The following RAF1 variants were observed in gnomAD, a reference collection of about 807,000 sequenced individuals.
RAF1 encodes RAF proto-oncogene serine/threonine-protein kinase.
A neutral mutation model predicts 81.1 loss-of-function variants in RAF1; 27 were observed. The ratio of observed to expected loss-of-function variants is 0.33; its 90% confidence interval spans 0.25 to 0.46. RAF1 has a LOEUF of 0.46. RAF1 is among the 20% of genes least tolerant of loss of function. The probability of loss-of-function intolerance (pLI) is 1.00; values close to 1 mark genes in which losing one functional copy is unlikely to be tolerated. For missense variants in RAF1, 598 were observed against 826.0 expected, an observed-to-expected ratio of 0.72 and a Z score of 3.38; for synonymous variants, 298 against 294.0, an observed-to-expected ratio of 1.01 and a Z score of -0.14.
chr3:12,612,513 G>C (rs2059245788), intron 2 of RAF1, among the ~76,000 whole-genome samples: 2 of 152,082 alleles, frequency 1.3e-5, no homozygotes, highest in East Asian at 3.9e-4. Flanking sequence ...GCCGGGCATG[G>C]TGGTGGACGC....
At chr3:12,614,381 A>C (rs2059308704) in intron 2 of RAF1, among the ~76,000 whole-genome samples, 1 of 151,796 alleles carries the variant, frequency 6.6e-6, no homozygotes, top group African/African-American at 2.4e-5. Context: ...GGTAAGGGGT[A>C]CATCAGATTT....
At chr3:12,626,561 A>C (rs1434982495) in intron 1 of RAF1, among the ~76,000 whole-genome samples, 1 of 151,080 alleles carries the variant, frequency 6.6e-6, no homozygotes, top group Admixed American at 6.7e-5. Flanking sequence ...ACTGCACTCC[A>C]GCCAAAGCGA....
At chr3:12,587,378 TA>T in intron 14 of RAF1, 2 of 611,446 alleles carry the variant, frequency 3.3e-6, no homozygotes, top group South Asian at 2.0e-5. Context: ...GAACCTAACC[TA>T]AACATCGCTC....
At chr3:12,630,384 G>C (rs1177858429) in intron 1 of RAF1, among the ~76,000 whole-genome samples, 1 of 152,126 alleles carries the variant, frequency 6.6e-6, no homozygotes, top group Non-Finnish European at 1.5e-5. Flanking sequence ...GGCTACCTCA[G>C]GGAACAAAAC....
chr3:12,628,759 G>GGT (rs2059783219), intron 1 of RAF1, among the ~76,000 whole-genome samples: 1 of 138,506 alleles, frequency 7.2e-6, no homozygotes, highest in Non-Finnish European at 1.6e-5. Context: ...TTTGGGGGGG[G>GGT]GGGGTGGCGG....
chr3:12,586,053 C>T (rs902505470), intron 14 of RAF1: 2 of 482,154 alleles, frequency 4.1e-6, no homozygotes, highest in Non-Finnish European at 7.6e-6. Context: ...TTCTTCCCTG[C>T]TTCTTCTCCC....
intron 1 of RAF1, among the ~76,000 whole-genome samples, chr3:12,662,536 C>T (rs1274581057): frequency 1.3e-5 from 2 of 152,014 alleles, no homozygotes; most frequent in African/African-American, 4.8e-5. Context: ...TCAACTAGTT[C>T]ACTATCTACA....
chr3:12,658,003 A>G (rs1176012448), intron 1 of RAF1, among the ~76,000 whole-genome samples: 1 of 152,208 alleles, frequency 6.6e-6, no homozygotes, highest in Non-Finnish European at 1.5e-5. Flanking sequence ...GAATAATTCA[A>G]TATGTGGTCT....
chr3:12,651,212 T>TTTATCTTTATCTAAAACCCC (rs1491551154), intron 1 of RAF1, among the ~76,000 whole-genome samples: 1 of 152,240 alleles, frequency 6.6e-6, no homozygotes, highest in Non-Finnish European at 1.5e-5. Context: ...TAACCCCTTC[T>TTTATCTTTATCTAAAACCCC]TTGTTTTATC....
At chr3:12,605,679 G>GA (rs1304625415) in intron 6 of RAF1, among the ~76,000 whole-genome samples, 1 of 152,180 alleles carries the variant, frequency 6.6e-6, no homozygotes, top group Non-Finnish European at 1.5e-5. Context: ...TATAAAGCTG[G>GA]AAAACAGAGT....
At chr3:12,631,259 A>G (rs926983320) in intron 1 of RAF1, among the ~76,000 whole-genome samples, 1 of 152,144 alleles carries the variant, frequency 6.6e-6, no homozygotes, top group Admixed American at 6.6e-5. Context: ...TGGGCAGAAG[A>G]ACTGTAAAAT....
At chr3:12,630,634 C>G (rs2059833026) in intron 1 of RAF1, among the ~76,000 whole-genome samples, 1 of 152,048 alleles carries the variant, frequency 6.6e-6, no homozygotes, top group Non-Finnish European at 1.5e-5. Flanking sequence ...ATCCTTTGTA[C>G]AAGGAATGGT....
Position 12,663,845 on chromosome 3 carries a change from G to T in RAF1, c.-59C>A, listed in dbSNP as rs201603517. 57 of 397,912 alleles carry T rather than the reference G, an allele frequency of 1.4e-4. No individual in the cohort carries two copies. Among genetic ancestry groups the T allele is most frequent in the African/African-American group, 1.1e-3 (55 of 48,724 alleles). 24.6% of individuals were successfully genotyped at this position (397,912 alleles called of 1,614,324 possible). A position where few individuals can be genotyped will look rare whatever the true frequency, so the allele number is the denominator to read the frequency against. ...AGCCAGGCCGCCCCAACGTCCTGTC[G>T]TTCGGCGGCAGCTTCTCGCCCGCTC... On this transcript the variant is annotated 5_prime_UTR_variant, in exon 1 of 18. Coordinates refer to ENST00000442415, the MANE Select transcript of RAF1 (RefSeq NM_001354689.3).
chr3:12,612,377 G>A (rs575996625), intron 2 of RAF1, among the ~76,000 whole-genome samples: 6 of 152,096 alleles, frequency 3.9e-5, no homozygotes, highest in African/African-American at 1.2e-4. Flanking sequence ...GGCCAGGCAC[G>A]GTGGCTCACG....
At chr3:12,635,278 C>T (rs375879379) in intron 1 of RAF1, among the ~76,000 whole-genome samples, 8 of 121,294 alleles carry the variant, frequency 6.6e-5, no homozygotes, top group African/African-American at 2.6e-4. Flanking sequence ...GGGATCTTGC[C>T]ACTGTACTCC....
intron 1 of RAF1, among the ~76,000 whole-genome samples, chr3:12,660,464 A>G (rs1379983045): frequency 6.6e-6 from 1 of 151,558 alleles, no homozygotes; most frequent in African/African-American, 2.4e-5. Context: ...TACCCTGCTG[A>G]TTTTTTTCTT....
intron 1 of RAF1, among the ~76,000 whole-genome samples, chr3:12,644,361 C>A (rs974762981): frequency 1.3e-5 from 2 of 152,118 alleles, no homozygotes; most frequent in African/African-American, 4.8e-5. Context: ...ACTAGAACAC[C>A]CACTTAAGTT....
Position 12,663,829 on chromosome 3 carries a change from G to A in RAF1, c.-43C>T, listed in dbSNP as rs1575702069. 7.0e-5 allele frequency: 28 copies of A among 397,534 alleles called. No individual in the cohort carries two copies. In the East Asian group the frequency reaches 1.0e-3, roughly 14 times the overall value. 24.6% of individuals were successfully genotyped at this position (397,534 alleles called of 1,614,324 possible). A position where few individuals can be genotyped will look rare whatever the true frequency, so the allele number is the denominator to read the frequency against. On this transcript the variant is annotated 5_prime_UTR_variant, in exon 1 of 18. Coordinates refer to ENST00000442415, the MANE Select transcript of RAF1 (RefSeq NM_001354689.3). ...GCCACCTACCTGAGGGAGCCAGGCCGCCCCAACGTCCTGTCGTTCGGCGGC... is the reference window on the plus strand; with the variant it reads ...GCCACCTACCTGAGGGAGCCAGGCCACCCCAACGTCCTGTCGTTCGGCGGC...
At chr3:12,588,548 C>G (rs2058403698) in intron 13 of RAF1, 1 of 152,202 alleles carries the variant, frequency 6.6e-6, no homozygotes, top group Non-Finnish European at 1.5e-5. Context: ...GTATTTGTGT[C>G]TCTAAACATA....
Sources: allele counts gnomAD v4.1 joint callset (sites outside exome capture counted in the v4.1 genomes callset), GRCh38; gene constraint gnomAD v4.1.1; transcripts MANE v1.5; gene names NCBI Gene and HGNC (gene_info 2026-07-23, HGNC 2026-07-21).